EXOC4: variants seen among roughly 807,000 people sequenced by gnomAD.
The protein encoded by EXOC4 is exocyst complex component 4.
EXOC4 carries 71 observed loss-of-function variants against 107.2 expected under a neutral mutation model. That is an observed-to-expected ratio of 0.66 (90% CI 0.55 to 0.81). The LOEUF is 0.81. Ranked by LOEUF, EXOC4 falls within the 30% of genes least tolerant of loss-of-function variation. The pLI is 0.00. For synonymous variants in EXOC4, 456 were observed against 441.2 expected (o/e 1.03, Z -0.42); for missense variants, 1,108 against 1,189.6 (o/e 0.93, Z 1.01).
intron 10 of EXOC4, among the ~76,000 whole-genome samples, chr7:133,778,868 A>G (rs1796403043): frequency 6.6e-6 from 1 of 152,136 alleles, no homozygotes; most frequent in Non-Finnish European, 1.5e-5. Flanking sequence ...TTAGCCTCAC[A>G]TGGGCTGCAT....
chr7:133,846,479 G>A (rs956241764), intron 11 of EXOC4, among the ~76,000 whole-genome samples: 7 of 152,134 alleles, frequency 4.6e-5, no homozygotes, highest in African/African-American at 1.7e-4. Flanking sequence ...CGTTCATCCT[G>A]TAGTGTTCCT....
intron 7 of EXOC4, among the ~76,000 whole-genome samples, chr7:133,441,823 T>C (rs1444922240): frequency 6.6e-6 from 1 of 152,158 alleles, no homozygotes; most frequent in Non-Finnish European, 1.5e-5. Context: ...GCCTGTGTGT[T>C]TGTGTGTGGG....
intron 5 of EXOC4, among the ~76,000 whole-genome samples, chr7:133,343,403 A>T (rs1187882442): frequency 1.3e-5 from 2 of 152,030 alleles, no homozygotes; most frequent in Non-Finnish European, 2.9e-5. Flanking sequence ...CTGGTCTCTC[A>T]GCCAGCACTT....
the EXOC4 span, among the ~76,000 whole-genome samples, chr7:134,076,753 C>T: frequency 6.6e-6 from 1 of 150,438 alleles, no homozygotes; most frequent in Non-Finnish European, 1.5e-5. Context: ...AACAAATATT[C>T]TTCACTTTTT....
the EXOC4 span, among the ~76,000 whole-genome samples, chr7:134,090,754 A>G: frequency 6.6e-6 from 1 of 152,048 alleles, no homozygotes; most frequent in Non-Finnish European, 1.5e-5. Context: ...CCCATGTCCC[A>G]TGATCCCGTA....
intron 9 of EXOC4, among the ~76,000 whole-genome samples, chr7:133,516,156 G>GT (rs1462316098): frequency 6.6e-6 from 1 of 152,084 alleles, no homozygotes; most frequent in African/African-American, 2.4e-5. Context: ...GGACTTTTTT[G>GT]TTTTGTTATT....
chr7:133,783,644 T>C (rs1796511224), intron 10 of EXOC4, among the ~76,000 whole-genome samples: 1 of 152,212 alleles, frequency 6.6e-6, no homozygotes, highest in Non-Finnish European at 1.5e-5. Context: ...AGTTAGTGTA[T>C]GGGATCATTG....
intron 5 of EXOC4, among the ~76,000 whole-genome samples, chr7:133,339,084 T>G (rs1364408500): frequency 1.9e-4 from 29 of 152,234 alleles, no homozygotes; most frequent in Non-Finnish European, 1.5e-5. Context: ...TACATCTTTA[T>G]AGCTTAGCTC....
intron 6 of EXOC4, among the ~76,000 whole-genome samples, chr7:133,358,599 T>C (rs886128541): frequency 1.1e-4 from 17 of 152,188 alleles, no homozygotes; most frequent in African/African-American, 4.1e-4. Flanking sequence ...TGATGAATAC[T>C]CTAAAATTCT....
chr7:133,782,105 C>A (rs1796480413), intron 10 of EXOC4, among the ~76,000 whole-genome samples: 1 of 152,146 alleles, frequency 6.6e-6, no homozygotes, highest in South Asian at 2.1e-4. Flanking sequence ...GTATTGTCTG[C>A]AACTAGTATC....
In EXOC4 at chr7:133,576,987, G is replaced by A. The variant is rs184993438; in HGVS notation, c.1418-53058G>A. 1.1e-5 allele frequency: 7 copies of A among 616,368 alleles called. No individual in the cohort carries two copies. The African/African-American group carries it at 1.4e-4, about 12-fold the overall frequency. 38.2% of individuals were successfully genotyped at this position (616,368 alleles called of 1,614,324 possible). A position where few individuals can be genotyped will look rare whatever the true frequency, so the allele number is the denominator to read the frequency against. On this transcript the variant is annotated intron_variant, in intron 9 of 17. Coordinates refer to ENST00000253861, the MANE Select transcript of EXOC4 (RefSeq NM_021807.4). ...GAGTGAGAAAGATAATATGCCCGGG[G>A]TTGGATGTCTGTTTTCATTTATTAT...
At chr7:134,062,054 A>C (rs772656604) in intron 17 of EXOC4, among the ~76,000 whole-genome samples, 8 of 152,168 alleles carry the variant, frequency 5.3e-5, no homozygotes, top group Non-Finnish European at 1.2e-4. Context: ...ACCCTGGACC[A>C]GTGATTGCTA....
chr7:133,301,153 C>T (rs894855483), intron 3 of EXOC4, among the ~76,000 whole-genome samples: 1 of 152,170 alleles, frequency 6.6e-6, no homozygotes, highest in Non-Finnish European at 1.5e-5. Context: ...GGTGGAGGGC[C>T]CTCTAGGGGA....
At chr7:133,623,539 A>T (rs1034587080) in intron 9 of EXOC4, among the ~76,000 whole-genome samples, 4 of 152,194 alleles carry the variant, frequency 2.6e-5, no homozygotes, top group Admixed American at 2.6e-4. Flanking sequence ...CACAAAGAAT[A>T]CAATTATGAA....
Position 133,515,188 on chromosome 7 carries a change from C to T in EXOC4, c.1417+35050C>T, listed in dbSNP as rs534419697. 3.3e-5 allele frequency among the ~76,000 whole-genome samples: 5 copies of T among 151,992 alleles called. No individual in the cohort carries two copies. The South Asian group carries it at 1.0e-3, about 32-fold the overall frequency. ...CTGAGAGGAGGATAAAGAACTGGAC[C>T]AATATTGTTTGTGCAATTAGTTAAT... On this transcript the variant is annotated intron_variant, in intron 9 of 17. Transcript: ENST00000253861.
intron 3 of EXOC4, among the ~76,000 whole-genome samples, chr7:133,292,577 T>G (rs1794431484): frequency 1.3e-5 from 2 of 152,178 alleles, no homozygotes; most frequent in Admixed American, 1.3e-4. Context: ...CTGAACTGAT[T>G]CCCAATACTG....
chr7:133,813,075 A>T (rs925185980), intron 10 of EXOC4, among the ~76,000 whole-genome samples: 2 of 152,168 alleles, frequency 1.3e-5, no homozygotes, highest in Non-Finnish European at 2.9e-5. Flanking sequence ...AGTCCCCTCC[A>T]GTTAGGGCTG....
At chr7:133,918,561 C>T (rs553861652) in intron 13 of EXOC4, among the ~76,000 whole-genome samples, 57 of 152,226 alleles carry the variant, frequency 3.7e-4, no homozygotes, top group African/African-American at 1.1e-3. Context: ...TTGTATTATC[C>T]GTGATTGTTT....
chr7:133,658,015 G>A (rs779522612), intron 10 of EXOC4, among the ~76,000 whole-genome samples: 1 of 152,114 alleles, frequency 6.6e-6, no homozygotes, highest in African/African-American at 2.4e-5. Flanking sequence ...CAAAAGGATG[G>A]GAGAGTATAG....
Sources: allele counts gnomAD v4.1 joint callset (sites outside exome capture counted in the v4.1 genomes callset), GRCh38; gene constraint gnomAD v4.1.1; transcripts MANE v1.5; gene names NCBI Gene and HGNC (gene_info 2026-07-23, HGNC 2026-07-21).